Variants in PEMT observed in about 807,000 individuals in gnomAD.
PEMT encodes phospholipid methyltransferase.
PEMT carries 23 observed loss-of-function variants against 27.4 expected under a neutral mutation model. That is an observed-to-expected ratio of 0.84 (90% CI 0.60 to 1.19). The LOEUF is 1.19. PEMT is among the 50% of genes most tolerant of loss of function. The pLI is 0.00. For synonymous variants in PEMT, 137 were observed against 139.1 expected (o/e 0.98, Z 0.11); for missense variants, 307 against 310.1 (o/e 0.99, Z 0.07).
chr17:17,507,047 C>T (rs1905920083), intron 5 of PEMT: 3 of 954,138 alleles, frequency 3.1e-6, no homozygotes, highest in Non-Finnish European at 3.2e-6. Context: ...GCTCCTGACC[C>T]CGCCACACCA....
intron 1 of PEMT, among the ~76,000 whole-genome samples, chr17:17,586,889 G>A (rs187377701): frequency 3.3e-5 from 5 of 152,270 alleles, no homozygotes; most frequent in Non-Finnish European, 5.9e-5. Flanking sequence ...TGTAATCCTA[G>A]CTACTTGGGA....
intron 2 of PEMT, chr17:17,570,450 A>G (rs1286479923): frequency 2.2e-6 from 2 of 918,700 alleles, no homozygotes; most frequent in African/African-American, 3.6e-5. Context: ...TCTAGTGGGC[A>G]GAGGCCGGGG....
At chr17:17,559,337 G>A (rs1054228799) in intron 2 of PEMT, among the ~76,000 whole-genome samples, 2 of 152,238 alleles carry the variant, frequency 1.3e-5, no homozygotes, top group Non-Finnish European at 1.5e-5. Context: ...CCATTTCACA[G>A]AAGAGGAAAC....
intron 1 of PEMT, among the ~76,000 whole-genome samples, chr17:17,580,959 G>C (rs969066474): frequency 3.3e-4 from 50 of 152,206 alleles, no homozygotes; most frequent in African/African-American, 1.2e-3. Context: ...CCAAGCCAAA[G>C]AGGAGAAAGG....
intron 3 of PEMT, among the ~76,000 whole-genome samples, chr17:17,516,034 G>T (rs1207515665): frequency 6.6e-6 from 1 of 152,108 alleles, no homozygotes; most frequent in Non-Finnish European, 1.5e-5. Context: ...GAGGCACACG[G>T]CCCCACCTGG....
At chr17:17,542,140 C>T (rs1908932057) in intron 2 of PEMT, among the ~76,000 whole-genome samples, 1 of 152,156 alleles carries the variant, frequency 6.6e-6, no homozygotes, top group Admixed American at 6.5e-5. Context: ...ACCACCACAC[C>T]CAGCTAATTT....
At chr17:17,540,344 T>C (rs1364649517) in intron 2 of PEMT, among the ~76,000 whole-genome samples, 1 of 152,228 alleles carries the variant, frequency 6.6e-6, no homozygotes, top group Non-Finnish European at 1.5e-5. Context: ...CCTCTGCGCC[T>C]GCTTTGCCCA....
At chr17:17,586,429 G>A (rs1343601237) in intron 1 of PEMT, among the ~76,000 whole-genome samples, 1 of 152,026 alleles carries the variant, frequency 6.6e-6, no homozygotes, top group Non-Finnish European at 1.5e-5. Flanking sequence ...ATCACACTTG[G>A]GGCCACCAAA....
At chr17:17,539,256 C>G (rs768711502) in intron 2 of PEMT, among the ~76,000 whole-genome samples, 4 of 152,146 alleles carry the variant, frequency 2.6e-5, no homozygotes, top group Non-Finnish European at 4.4e-5. Context: ...GCTGGGGTTA[C>G]AGCTGTAAGC....
chr17:17,534,811 A>C (rs1290125097), intron 2 of PEMT, among the ~76,000 whole-genome samples: 2 of 152,228 alleles, frequency 1.3e-5, no homozygotes, highest in Non-Finnish European at 2.9e-5. Context: ...CGACAGAGCA[A>C]GACCCCATCT....
intron 2 of PEMT, among the ~76,000 whole-genome samples, chr17:17,535,349 C>T (rs900577554): frequency 1.3e-5 from 2 of 151,968 alleles, no homozygotes; most frequent in African/African-American, 4.8e-5. Flanking sequence ...GGGTGGATCA[C>T]GAGGTTGGGA....
chr17:17,544,330 G>T (rs990708382), intron 2 of PEMT, among the ~76,000 whole-genome samples: 28 of 151,318 alleles, frequency 1.9e-4, no homozygotes, highest in Admixed American at 5.9e-4. Context: ...GCCCAGGCTG[G>T]AGTGCAATGG....
chr17:17,586,207 A>C, intron 1 of PEMT, among the ~76,000 whole-genome samples: 1 of 140,842 alleles, frequency 7.1e-6, no homozygotes, highest in East Asian at 2.0e-4. Context: ...GGAAAGAAAG[A>C]AAGAAAGAAA....
chr17:17,507,087 A>T, intron 5 of PEMT: 1 of 1,365,474 alleles, frequency 7.3e-7, no homozygotes. Context: ...CAGTGACGGC[A>T]CCAAGGAGCC....
In PEMT at chr17:17,582,412, G is replaced by C. The variant is rs1472462041; in HGVS notation, c.97-5385C>G. 2.0e-6 allele frequency: 2 copies of C among 985,368 alleles called. No individual in the cohort carries two copies. Among genetic ancestry groups the C allele is most frequent in the East Asian group, 1.1e-4 (1 of 8,822 alleles). The allele number at this position is 985,368 out of a possible 1,614,324, so 61.0% of individuals were successfully genotyped here. A position where few individuals can be genotyped will look rare whatever the true frequency, so the allele number is the denominator to read the frequency against. ...CCATTGAGGGGTGCAGGGTTCTCGG[G>C]AGCAGCGCTCTGTGGTCAGGGAATG... is the stretch of plus-strand genomic sequence containing the variant. On this transcript the variant is annotated intron_variant, in intron 1 of 6. Transcript: ENST00000255389. This position sits in a 1 kb window ranked among gnomAD's most constrained non-coding sequence, Gnocchi z 4.9.
chr17:17,567,146 T>G (rs552948661), intron 2 of PEMT, among the ~76,000 whole-genome samples: 1 of 152,326 alleles, frequency 6.6e-6, no homozygotes, highest in Non-Finnish European at 1.5e-5. Flanking sequence ...CAGGGAGGGA[T>G]GGGCCGGCTC....
At chr17:17,553,336 C>G (rs1051785457) in intron 2 of PEMT, among the ~76,000 whole-genome samples, 3 of 152,204 alleles carry the variant, frequency 2.0e-5, no homozygotes, top group Admixed American at 2.0e-4. Context: ...TGCGGGGATG[C>G]AGGGCGCCTG....
chr17:17,507,393 G>C, intron 5 of PEMT: 2 of 615,686 alleles, frequency 3.2e-6, no homozygotes, highest in South Asian at 3.8e-5. Flanking sequence ...ATCGAGGTGA[G>C]GGCTGGAGGA....
chr17:17,531,314 A>G (rs1237795380), intron 2 of PEMT, among the ~76,000 whole-genome samples: 2 of 151,438 alleles, frequency 1.3e-5, no homozygotes, highest in Admixed American at 6.6e-5. Flanking sequence ...TTGCTAGGAC[A>G]CTAACGCATT....
Sources: allele counts gnomAD v4.1 joint callset (sites outside exome capture counted in the v4.1 genomes callset), GRCh38; gene constraint gnomAD v4.1.1; non-coding constraint Gnocchi (gnomAD v3.1); transcripts MANE v1.5; gene names NCBI Gene and HGNC (gene_info 2026-07-23, HGNC 2026-07-21).